Variants in TBX15 observed in about 807,000 individuals in gnomAD.
TBX15 encodes the protein T-box transcription factor TBX15.
Under a neutral mutation model 53.9 loss-of-function variants are expected in TBX15, and 18 were observed. The ratio of observed to expected loss-of-function variants is 0.33; its 90% CI spans 0.23 to 0.49. The LOEUF (loss-of-function observed/expected upper bound fraction) is 0.49. Among genes scored for constraint, TBX15 ranks in the 20% least tolerant of loss-of-function variants. The pLI, the probability that TBX15 is intolerant of heterozygous loss-of-function variation, is 0.98. For missense variants in TBX15, 692 were observed against 749.5 expected, an observed-to-expected ratio of 0.92 and a Z score of 0.90; for synonymous variants, 295 against 278.0, an observed-to-expected ratio of 1.06 and a Z score of -0.61.
At chr1:118,921,727 T>C (rs1369750449) in intron 5 of TBX15, among the ~76,000 whole-genome samples, 1 of 152,226 alleles carries the variant, frequency 6.6e-6, no homozygotes, top group African/African-American at 2.4e-5. Context: ...TTGTCTTTTC[T>C]TCAGTGTTTC....
intron 1 of TBX15, among the ~76,000 whole-genome samples, chr1:118,970,659 A>C (rs954697996): frequency 6.6e-6 from 1 of 152,240 alleles, no homozygotes; most frequent in Non-Finnish European, 1.5e-5. Flanking sequence ...TGACAGGACC[A>C]AAAAGCACCT....
At chr1:118,929,875 T>A (rs572143321) in intron 2 of TBX15, among the ~76,000 whole-genome samples, 2 of 152,258 alleles carry the variant, frequency 1.3e-5, no homozygotes, top group African/African-American at 4.8e-5. Context: ...AATGTAATAT[T>A]TCTTCTCTCT....
intron 5 of TBX15, among the ~76,000 whole-genome samples, chr1:118,919,142 CTG>C (rs1655341681): frequency 6.6e-6 from 1 of 152,168 alleles, no homozygotes. Flanking sequence ...AGAAATAAGA[CTG>C]TGTTACCTGG....
At position 118,987,679 on chromosome 1, in the gene TBX15, C is replaced by T. The variant is rs575028944; in HGVS notation, c.117G>A (p.Gly39=). 1 of 1,550,388 alleles carries T rather than the reference C, an allele frequency of 6.4e-7. No individual in the cohort carries two copies. The highest frequency in any genetic ancestry group is 2.4e-5 in the East Asian group (1 of 40,902). Residue 39 remains glycine (G), a synonymous_variant, in exon 1 of 8, where the codon GGG becomes GGA. Coordinates refer to ENST00000369429, the MANE Select transcript of TBX15 (RefSeq NM_001330677.2). ...KRKLRDWEEK[G]LDLSMEALSP... ...TCAGCGCCTCCATAGACAGGTCCAGCCCCTTCTCCTCCCAGTCTCGCAGTT... is the reference window on the plus strand; with the variant it reads ...TCAGCGCCTCCATAGACAGGTCCAGTCCCTTCTCCTCCCAGTCTCGCAGTT...
chr1:118,933,233 C>T (rs1227057313), intron 1 of TBX15, among the ~76,000 whole-genome samples: 2 of 152,132 alleles, frequency 1.3e-5, no homozygotes, highest in African/African-American at 2.4e-5. Context: ...TATCTAACAG[C>T]TGTGTCAAAG....
At chr1:118,984,854 G>A (rs898336835) in intron 1 of TBX15, among the ~76,000 whole-genome samples, 1 of 152,166 alleles carries the variant, frequency 6.6e-6, no homozygotes, top group Non-Finnish European at 1.5e-5. Context: ...CTGATCCCCC[G>A]TTGCTGCAGG....
At chr1:118,926,446 G>A (rs1655597377) in intron 3 of TBX15, 64 bp downstream of exon 3, 1 of 1,408,578 alleles carries the variant, frequency 7.1e-7, no homozygotes, top group Non-Finnish European at 1.0e-6. Flanking sequence ...CCTCTAAGGA[G>A]TTTGAAGAAT....
rs535573955 is a variant in TBX15, at chr1:118,978,779, T to G, written c.205+8812A>C. 6.6e-4 allele frequency among the ~76,000 whole-genome samples: 101 copies of G among 152,390 alleles called. 4 individuals carry two copies. In the South Asian group the frequency reaches 0.02, roughly 31 times the overall value. On this transcript the variant is annotated intron_variant, in intron 1 of 7. Coordinates refer to ENST00000369429, the MANE Select transcript of TBX15 (RefSeq NM_001330677.2). ...TTTGCAAGTTTGTTTATACCTTTAA[T>G]TTTTTAACTAAATCCTTCTTTCTAA... is the stretch of plus-strand genomic sequence containing the variant.
chr1:118,892,980 C>G (rs1654199501), intron 7 of TBX15, among the ~76,000 whole-genome samples: 1 of 151,994 alleles, frequency 6.6e-6, no homozygotes, highest in Non-Finnish European at 1.5e-5. Context: ...TGCCTGTAAT[C>G]CCAGCACTTT....
At chr1:118,952,596 C>T (rs1656552046) in intron 1 of TBX15, among the ~76,000 whole-genome samples, 1 of 152,114 alleles carries the variant, frequency 6.6e-6, no homozygotes, top group South Asian at 2.1e-4. Context: ...ACCATCAGTT[C>T]CCGATGTCTA....
rs540439203 is a variant in TBX15 at position 118,934,181 on chromosome 1, G to C, written c.206-2349C>G. Reference sequence around the variant, plus strand: ...GACAAGCCATTTAACCACAGGGGGGGCCTAGGTCCTCAATGTGCAATGAAA... The same window carrying C: ...GACAAGCCATTTAACCACAGGGGGGCCCTAGGTCCTCAATGTGCAATGAAA... On this transcript the variant is annotated intron_variant, in intron 1 of 7. Coordinates refer to ENST00000369429, the MANE Select transcript of TBX15 (RefSeq NM_001330677.2). Among the ~76,000 whole-genome samples, 36 of 152,252 alleles carry C rather than the reference G, an allele frequency of 2.4e-4. No homozygotes were observed. The South Asian group carries it at 3.5e-3, about 15-fold the overall frequency.
chr1:118,923,518 G>C lies in TBX15; in HGVS notation c.779C>G (p.Pro260Arg). The C allele has an allele frequency of 1.2e-6, 2 of 1,614,010 alleles. No individual in the cohort carries two copies. The highest frequency in any genetic ancestry group is 8.5e-7 in the Non-Finnish European group (1 of 1,179,946). Residue 260 changes from proline (P) to arginine (R), a missense_variant, in exon 5 of 8, where the codon CCT becomes CGT. Physicochemically the swap from Pro to Arg is moderately radical, Grantham distance 103 (BLOSUM62 -2). Transcript: ENST00000369429. ...DFSSDLSPTK[P>R]VPVGDGVKTF... Reference sequence around the variant, plus strand: ...TTTCACCCCATCCCCAACAGGAACAGGCTTAGTGGGTGAAAGGTCACTGCT... The same window carrying C: ...TTTCACCCCATCCCCAACAGGAACACGCTTAGTGGGTGAAAGGTCACTGCT...
rs138987096 is a variant in TBX15, at chr1:118,924,766, A to C, written c.573T>G (p.Pro191=). Reference sequence around the variant, plus strand: ...GGTGTATATAAACTCTTGGGGGCACAGGGGAATCAGCATTGCCAGCCACCA... The same window carrying C: ...GGTGTATATAAACTCTTGGGGGCACCGGGGAATCAGCATTGCCAGCCACCA... ...KWMVAGNADS[P]VPPRVYIHPD... The change falls in exon 4 of 8, where the codon CCT becomes CCG. Residue 191 remains proline, a synonymous_variant. Transcript: ENST00000369429. 22 of 1,614,000 alleles carry C rather than the reference A, an allele frequency of 1.4e-5. No individual in the cohort carries two copies. Among genetic ancestry groups the C allele is most frequent in the African/African-American group, 6.7e-5 (5 of 74,918 alleles).
chr1:118,931,714 A>T lies in TBX15; in HGVS notation c.324T>A (p.Ser108=). 1 of 1,614,082 alleles carries T rather than the reference A, an allele frequency of 6.2e-7. No individual in the cohort carries two copies. ...GAAGPVPAAM[S]SMEEIQVELQ... is the part of the protein sequence containing the mutation. ...GCTCCACCTGAATCTCCTCCATGGA[A>T]GACATGGCAGCAGGCACAGGGCCTG... Residue 108 remains serine, a synonymous_variant, in exon 2 of 8, where the codon TCT becomes TCA. Transcript: ENST00000369429.
At chr1:118,957,191 T>C (rs772350865) in intron 1 of TBX15, among the ~76,000 whole-genome samples, 2 of 152,122 alleles carry the variant, frequency 1.3e-5, no homozygotes, top group East Asian at 3.9e-4. Flanking sequence ...ATGAAAAAAA[T>C]TGAGCATTGA....
intron 1 of TBX15, among the ~76,000 whole-genome samples, chr1:118,970,721 C>T (rs903401501): frequency 2.6e-5 from 4 of 152,126 alleles, no homozygotes; most frequent in African/African-American, 2.4e-5. Flanking sequence ...TTTTTTAATG[C>T]ATTCTCACAG....
At chr1:118,963,908 A>G (rs762896943) in intron 1 of TBX15, among the ~76,000 whole-genome samples, 2 of 152,218 alleles carry the variant, frequency 1.3e-5, no homozygotes, top group Non-Finnish European at 2.9e-5. Flanking sequence ...CCCAGCTGAC[A>G]TGCAGTGAGG....
At chr1:118,929,292 A>G (rs1655705462) in intron 2 of TBX15, among the ~76,000 whole-genome samples, 2 of 152,220 alleles carry the variant, frequency 1.3e-5, no homozygotes, top group Non-Finnish European at 2.9e-5. Flanking sequence ...AGTAAGAAAA[A>G]GGAGAGAAAG....
At position 118,987,767 on chromosome 1, in the gene TBX15, G is replaced by C. The variant is rs1264464255; in HGVS notation, c.29C>G (p.Ala10Gly). 6.5e-7 allele frequency: 1 copy of C among 1,550,212 alleles called. No individual in the cohort carries two copies. The stretch of plus-strand genomic sequence containing the variant: ...GAAGGCATGTGCTCGCGAGCTCAGG[G>C]CGACTGCAGATCTTCTCCTTTCACT... MSERRRSAV[A>G]LSSRAHAFSV... Residue 10 changes from alanine (A) to glycine (G), a missense_variant, in exon 1 of 8, where the codon GCC becomes GGC. This residue lies in a region of TBX15 where 307 missense variants were observed against 347.5 expected (regional missense o/e 0.88). Coordinates refer to ENST00000369429, the MANE Select transcript of TBX15 (RefSeq NM_001330677.2).
Sources: gnomAD v4.1 joint callset for allele counts (sites outside exome capture counted in the v4.1 genomes callset) on GRCh38, gnomAD v4.1.1 for gene constraint, gnomAD v4.1.1 regional missense constraint, MANE v1.5 for transcripts, NCBI Gene and HGNC (gene_info 2026-07-23, HGNC 2026-07-21) for gene names.